Variants in IL15 observed in about 807,000 individuals in gnomAD.
IL15 encodes interleukin 15.
In IL15, 11 loss-of-function variants were observed where a neutral mutation model predicts 19.6. The ratio of observed to expected loss-of-function variants is 0.56; its 90% CI spans 0.35 to 0.93. IL15 has a LOEUF of 0.93. IL15 is among the 40% of genes least tolerant of loss of function. The probability of loss-of-function intolerance (pLI) is 0.01; values close to 1 mark genes in which losing one functional copy is unlikely to be tolerated. For synonymous variants in IL15, 58 were observed against 59.6 expected (o/e 0.97, Z 0.12); for missense variants, 197 against 186.5 (o/e 1.06, Z -0.33).
intron 2 of IL15, chr4:141,716,220 C>G (rs1433611114): frequency 2.6e-5 from 4 of 152,320 alleles, no homozygotes; most frequent in Non-Finnish European, 4.4e-5. Flanking sequence ...CCTGTGAGCT[C>G]CTTGAGGACA....
chr4:141,662,043 C>A (rs1357817262), intron 2 of IL15, among the ~76,000 whole-genome samples: 1 of 152,180 alleles, frequency 6.6e-6, no homozygotes, highest in African/African-American at 2.4e-5. Context: ...TTAGATTTCA[C>A]AGCCAGATTT....
chr4:141,673,937 A>G (rs1728258021), intron 2 of IL15, among the ~76,000 whole-genome samples: 1 of 152,196 alleles, frequency 6.6e-6, no homozygotes, highest in Non-Finnish European at 1.5e-5. Flanking sequence ...GACCAGCTAA[A>G]CAATGTAAGC....
At chr4:141,656,014 T>C (rs1280900694) in intron 1 of IL15, among the ~76,000 whole-genome samples, 172 bp from the exon 2 acceptor site, 2 of 152,218 alleles carry the variant, frequency 1.3e-5, no homozygotes, top group African/African-American at 2.4e-5. Context: ...CTGAGGATTG[T>C]AGAAAAGATT....
intron 1 of IL15, among the ~76,000 whole-genome samples, chr4:141,646,177 A>G (rs1456713770): frequency 1.3e-5 from 2 of 151,964 alleles, no homozygotes; most frequent in Non-Finnish European, 2.9e-5. Context: ...ATCCGGTTAA[A>G]ATATTAATCA....
intron 2 of IL15, among the ~76,000 whole-genome samples, chr4:141,670,476 A>G (rs1299717815): frequency 6.6e-6 from 1 of 152,182 alleles, no homozygotes; most frequent in Non-Finnish European, 1.5e-5. Context: ...CACAAACTGA[A>G]GAAGTCTCTT....
At chr4:141,724,171 G>C (rs911662687) in intron 5 of IL15, among the ~76,000 whole-genome samples, 2 of 151,496 alleles carry the variant, frequency 1.3e-5, no homozygotes, top group African/African-American at 4.9e-5. Flanking sequence ...AAATACAACG[G>C]GCAAATCTCC....
At chr4:141,681,855 C>G (rs890048501) in intron 2 of IL15, among the ~76,000 whole-genome samples, 1 of 152,134 alleles carries the variant, frequency 6.6e-6, no homozygotes, top group Non-Finnish European at 1.5e-5. Context: ...AGCTTATTCT[C>G]TCCGTTGGTT....
intron 7 of IL15, among the ~76,000 whole-genome samples, chr4:141,732,353 A>G (rs1730477856): frequency 1.3e-5 from 2 of 152,198 alleles, no homozygotes; most frequent in South Asian, 2.1e-4. Flanking sequence ...TTTCTAGGGC[A>G]TAACATTGAG....
chr4:141,709,563 C>T (rs553931656), intron 2 of IL15, among the ~76,000 whole-genome samples: 18 of 151,660 alleles, frequency 1.2e-4, no homozygotes, highest in African/African-American at 3.2e-4. Flanking sequence ...TACAAAACAA[C>T]GATTTTTTTT....
intron 2 of IL15, among the ~76,000 whole-genome samples, chr4:141,703,783 A>T: frequency 6.8e-6 from 1 of 147,950 alleles, no homozygotes; most frequent in Admixed American, 6.8e-5. Context: ...TTCCTTGGTT[A>T]AGTTTATTTC....
intron 2 of IL15, among the ~76,000 whole-genome samples, chr4:141,707,706 A>G (rs1729570132): frequency 1.3e-5 from 2 of 151,938 alleles, no homozygotes; most frequent in Admixed American, 6.5e-5. Flanking sequence ...ACGCTGTGAG[A>G]GCTTTTGAGG....
intron 2 of IL15, among the ~76,000 whole-genome samples, chr4:141,685,904 A>C (rs531481398): frequency 3.3e-5 from 5 of 152,056 alleles, no homozygotes; most frequent in Non-Finnish European, 7.4e-5. Flanking sequence ...TGTTACAGCC[A>C]TTGGGGTCGC....
chr4:141,703,051 T>C (rs546519118), intron 2 of IL15, among the ~76,000 whole-genome samples: 61 of 152,308 alleles, frequency 4.0e-4, no homozygotes, highest in African/African-American at 1.3e-3. Flanking sequence ...CCGGCAGCAG[T>C]AAGCCTCATC....
chr4:141,662,706 A>C (rs1727834371), intron 2 of IL15, among the ~76,000 whole-genome samples: 1 of 152,100 alleles, frequency 6.6e-6, no homozygotes, highest in South Asian at 2.1e-4. Context: ...TGTATTCATC[A>C]ACCTATTTTT....
At chr4:141,718,233 A>C (rs1729955862) in intron 2 of IL15, 1 of 152,124 alleles carries the variant, frequency 6.6e-6, no homozygotes, top group Admixed American at 6.5e-5. Flanking sequence ...CCTAATTAAG[A>C]ATTATATCAC....
intron 1 of IL15, chr4:141,637,081 GC>G (rs1726883572): frequency 6.6e-6 from 1 of 152,292 alleles, no homozygotes; most frequent in South Asian, 2.1e-4. Flanking sequence ...CGCAAGGCGG[GC>G]CGGGCACCCC....
chr4:141,667,712 A>C (rs1728038051), intron 2 of IL15, among the ~76,000 whole-genome samples: 1 of 152,184 alleles, frequency 6.6e-6, no homozygotes, highest in South Asian at 2.1e-4. Context: ...TCAAATATTA[A>C]TTCTTAAAAC....
intron 2 of IL15, among the ~76,000 whole-genome samples, chr4:141,710,922 T>C (rs1280080074): frequency 6.6e-6 from 1 of 152,092 alleles, no homozygotes; most frequent in Non-Finnish European, 1.5e-5. Context: ...CTACACCATT[T>C]CCCCCAGGGA....
At chr4:141,656,675 G>A (rs889452305) in intron 2 of IL15, among the ~76,000 whole-genome samples, 1 of 152,092 alleles carries the variant, frequency 6.6e-6, no homozygotes, top group African/African-American at 2.4e-5. Flanking sequence ...GGCTGATGAG[G>A]GTTGGCCTCT....
Sources: allele counts gnomAD v4.1 joint callset (sites outside exome capture counted in the v4.1 genomes callset), GRCh38; gene constraint gnomAD v4.1.1; transcripts MANE v1.5; gene names NCBI Gene and HGNC (gene_info 2026-07-23, HGNC 2026-07-21).